The following NHS variants were observed in gnomAD, a reference collection of about 807,000 sequenced individuals.
The protein encoded by NHS is actin remodeling regulator NHS.
In NHS, 5 loss-of-function variants were observed where a neutral mutation model predicts 72.5. The ratio of observed to expected loss-of-function variants is 0.07; its 90% CI spans 0.04 to 0.14. The LOEUF (loss-of-function observed/expected upper bound fraction) is 0.14. Among genes scored for constraint, NHS ranks in the 10% least tolerant of loss-of-function variants. NHS has a pLI of 1.00. For missense variants in NHS, 1,072 were observed against 1,355.7 expected (o/e 0.79, Z 3.29); for synonymous variants, 464 against 547.7 (o/e 0.85, Z 2.13).
chrX:17,606,362 G>A (rs776256799), intron 1 of NHS, among the ~76,000 whole-genome samples: 4 of 111,927 alleles, frequency 3.6e-5, no homozygotes, highest in African/African-American at 1.3e-4. Flanking sequence ...ACTGAAGGAG[G>A]CCCCTGGTAG....
At chrX:17,411,665 A>C (rs2064559475) in intron 1 of NHS, among the ~76,000 whole-genome samples, 1 of 112,024 alleles carries the variant, frequency 8.9e-6, no homozygotes, top group East Asian at 2.8e-4. Context: ...TCTGTGTGAA[A>C]AATGAAATTA....
At chrX:17,494,285 G>A (rs896495952) in intron 1 of NHS, among the ~76,000 whole-genome samples, 1 of 108,656 alleles carries the variant, frequency 9.2e-6, no homozygotes, top group Non-Finnish European at 1.9e-5. Context: ...TACCATGTTG[G>A]CCAGGCTAGT....
intron 1 of NHS, among the ~76,000 whole-genome samples, chrX:17,570,715 G>A (rs2065473271): frequency 9.0e-6 from 1 of 111,685 alleles, no homozygotes; most frequent in Admixed American, 9.5e-5. Flanking sequence ...TGTTGAATAG[G>A]AGCGGTGAGA....
chrX:17,562,931 A>G, intron 1 of NHS, among the ~76,000 whole-genome samples: 1 of 111,905 alleles, frequency 8.9e-6, no homozygotes, highest in East Asian at 2.8e-4. Context: ...TTGTGGACCA[A>G]TAGTTGAAGC....
At position 17,725,827 on chromosome X, in the gene NHS, A is replaced by G. The variant is rs2066438744; in HGVS notation, c.1721A>G (p.His574Arg). ...ACSQHLHSPQ[H>R]KLSERGRSRL... ...TCTCAACATCTTCACAGCCCCCAGCACAAATTAAGTGAGAGGGGAAGGTCA... is the reference window on the plus strand; with the variant it reads ...TCTCAACATCTTCACAGCCCCCAGCGCAAATTAAGTGAGAGGGGAAGGTCA... The change falls in exon 7 of 9, where the codon CAC becomes CGC. Residue 574 changes from histidine (H) to arginine (R), a missense_variant. Physicochemically the swap from His to Arg is conservative, Grantham distance 29. Coordinates refer to ENST00000676302, the MANE Select transcript of NHS (RefSeq NM_001291867.2). 1 of 1,211,704 alleles carries G rather than the reference A, an allele frequency of 8.3e-7. No homozygotes were observed. Among genetic ancestry groups the G allele is most frequent in the Non-Finnish European group, 1.1e-6 (1 of 895,504 alleles).
chrX:17,578,790 G>A (rs2065525251), intron 1 of NHS, among the ~76,000 whole-genome samples: 2 of 112,269 alleles, frequency 1.8e-5, no homozygotes, highest in Middle Eastern at 4.6e-3. Flanking sequence ...AGAAAAACCT[G>A]TTTACAACTG....
intron 1 of NHS, among the ~76,000 whole-genome samples, chrX:17,650,986 C>T (rs1193944652): frequency 8.9e-6 from 1 of 112,038 alleles, no homozygotes; most frequent in Non-Finnish European, 1.9e-5. Context: ...TTTGTAAGCT[C>T]AGCAATACAG....
intron 1 of NHS, among the ~76,000 whole-genome samples, chrX:17,654,721 T>A (rs1189934869): frequency 4.5e-5 from 5 of 112,313 alleles, no homozygotes; most frequent in Non-Finnish European, 9.4e-5. Context: ...CCTAAATAGG[T>A]TTCAAAGACA....
chrX:17,388,280 A>G (rs775049711), intron 1 of NHS, among the ~76,000 whole-genome samples: 1 of 111,982 alleles, frequency 8.9e-6, no homozygotes, highest in South Asian at 3.8e-4. Context: ...AATAATAAAC[A>G]CAATACATTT....
At chrX:17,496,352 C>T (rs2065012373) in intron 1 of NHS, among the ~76,000 whole-genome samples, 2 of 111,596 alleles carry the variant, frequency 1.8e-5, no homozygotes, top group African/African-American at 6.5e-5. Flanking sequence ...TGACACCTAC[C>T]TCCTAGTTGC....
chrX:17,437,463 G>A lies in NHS; in HGVS notation c.565+61141G>A, dbSNP rs771215624. Among the ~76,000 whole-genome samples the A allele has an allele frequency of 8.1e-5, 9 of 111,454 alleles. No individual in the cohort carries two copies. In the South Asian group the frequency reaches 3.4e-3, roughly 42 times the overall value. On this transcript the variant is annotated intron_variant, in intron 1 of 8. Transcript: ENST00000676302. ...CTCCTTCCAGTCACCCATTTCTCTG[G>A]TAGGCAGGCTCTTCAGGCAAGGGTC...
chrX:17,576,402 T>C lies in NHS; in HGVS notation c.566-111340T>C, dbSNP rs1163892666. Reference sequence around the variant, plus strand: ...TTCCTTGAATTTTTCTCAGGAAGACTGATCCAAGGCAAATCACATTTTTTC... The same window carrying C: ...TTCCTTGAATTTTTCTCAGGAAGACCGATCCAAGGCAAATCACATTTTTTC... On this transcript the variant is annotated intron_variant, in intron 1 of 8. Transcript: ENST00000676302. Among the ~76,000 whole-genome samples the C allele has an allele frequency of 6.3e-5, 7 of 111,885 alleles. No individual in the cohort carries two copies. The Admixed American group carries it at 6.6e-4, about 11-fold the overall frequency.
At chrX:17,435,429 C>A (rs1017285654) in intron 1 of NHS, among the ~76,000 whole-genome samples, 43 of 111,550 alleles carry the variant, frequency 3.9e-4, no homozygotes, top group African/African-American at 1.3e-3. Context: ...GAAGCCACTT[C>A]CCAGGCACTC....
intron 3 of NHS, among the ~76,000 whole-genome samples, chrX:17,707,275 A>G (rs1291756286): frequency 8.9e-6 from 1 of 112,070 alleles, no homozygotes; most frequent in Non-Finnish European, 1.9e-5. Flanking sequence ...TTCCAGAGGA[A>G]CACTAAGACC....
rs1339477457 is a variant in NHS, at chrX:17,647,936, A to G, written c.566-39806A>G. ...TGGGGCATATTGAAGTATTGTGAAG[A>G]CCTTGAGCAGCGACAGTATTTGGAG... On this transcript the variant is annotated intron_variant, in intron 1 of 8. Transcript: ENST00000676302. 2.7e-5 allele frequency among the ~76,000 whole-genome samples: 3 copies of G among 110,382 alleles called. No individual in the cohort carries two copies. In the East Asian group the frequency reaches 8.5e-4, roughly 31 times the overall value.
intron 1 of NHS, among the ~76,000 whole-genome samples, chrX:17,440,970 G>A (rs776751848): frequency 5.4e-5 from 6 of 111,818 alleles, no homozygotes; most frequent in African/African-American, 1.6e-4. Flanking sequence ...CTCTCTGGGG[G>A]ACTGGGTCAG....
intron 1 of NHS, among the ~76,000 whole-genome samples, chrX:17,442,565 G>A (rs917725610): frequency 1.8e-5 from 2 of 112,343 alleles, no homozygotes; most frequent in South Asian, 7.3e-4. Flanking sequence ...CAACATTCAC[G>A]TTGAGAGAAT....
At chrX:17,535,073 C>G (rs1162640182) in intron 1 of NHS, among the ~76,000 whole-genome samples, 1 of 112,298 alleles carries the variant, frequency 8.9e-6, no homozygotes, top group African/African-American at 3.2e-5. Flanking sequence ...ACCTCAGTTG[C>G]CTGTGGCAGA....
In NHS at chrX:17,728,400, C is replaced by T; in HGVS notation, c.4222+72C>T. The T allele has an allele frequency of 4.0e-6, 4 of 991,109 alleles. No individual in the cohort carries two copies. In the Admixed American group the frequency reaches 7.0e-5, roughly 17 times the overall value. The allele number at this position is 991,109 out of a possible 1,213,427, so 81.7% of individuals were successfully genotyped here. A position where few individuals can be genotyped will look rare whatever the true frequency, so the allele number is the denominator to read the frequency against. On this transcript the variant is annotated intron_variant, in intron 7 of 8. Transcript: ENST00000676302. ...CTTCCTGGAATTTTTTCTTATGTTC[C>T]CAATAATACGGTACAGCCCTGGGTG...
Sources: allele counts gnomAD v4.1 joint callset (sites outside exome capture counted in the v4.1 genomes callset), GRCh38; gene constraint gnomAD v4.1.1; transcripts MANE v1.5; gene names NCBI Gene and HGNC (gene_info 2026-07-23, HGNC 2026-07-21).